PKHD1L1: variants seen among roughly 807,000 people sequenced by gnomAD.
PKHD1L1 encodes the protein fibrocystin-L.
Under a neutral mutation model 462.9 loss-of-function variants are expected in PKHD1L1, and 434 were observed. The observed-to-expected ratio is 0.94, with a 90% CI of 0.87 to 1.02. The LOEUF (loss-of-function observed/expected upper bound fraction) is 1.02, where lower values mean the gene tolerates loss of function less well. Ranked by LOEUF, PKHD1L1 falls within the 50% of genes least tolerant of loss-of-function variation. The pLI, the probability that PKHD1L1 is intolerant of heterozygous loss-of-function variation, is 0.00. For missense variants in PKHD1L1, 5,202 were observed against 5,096.1 expected (o/e 1.02, Z -0.63); for synonymous variants, 1,781 against 1,750.0 (o/e 1.02, Z -0.44).
intron 23 of PKHD1L1, among the ~76,000 whole-genome samples, chr8:109,423,200 G>C (rs1586478771): frequency 6.6e-6 from 1 of 151,566 alleles, no homozygotes; most frequent in East Asian, 1.9e-4. Flanking sequence ...TTGGTTTCAA[G>C]TCTAAGAACT....
At chr8:109,450,707 C>G (rs899806898) in intron 40 of PKHD1L1, among the ~76,000 whole-genome samples, 1 of 152,152 alleles carries the variant, frequency 6.6e-6, no homozygotes, top group Non-Finnish European at 1.5e-5. Context: ...AATTGGAAAA[C>G]TAAGCAGGCA....
chr8:109,417,796 C>G (rs1293723582), intron 21 of PKHD1L1, among the ~76,000 whole-genome samples: 1 of 152,168 alleles, frequency 6.6e-6, no homozygotes, highest in Non-Finnish European at 1.5e-5. Context: ...GTGATCCACC[C>G]ACTTCGGCCT....
In PKHD1L1 at chr8:109,530,069, C is replaced by T. The variant is rs1617259; in HGVS notation, c.12722-11C>T. On this transcript the variant is annotated splice_polypyrimidine_tract_variant and intron_variant, in intron 77 of 77. Coordinates refer to ENST00000378402, the MANE Select transcript of PKHD1L1 (RefSeq NM_177531.6). ...ACTTAAAAATTGTTTTGTATTGTTT[C>T]CATTTTTCAGGAAGCTACTAAAGTG... 168,275 of 1,268,476 alleles carry T rather than the reference C, an allele frequency of 0.13. 16,295 individuals carry two copies. The highest frequency in any genetic ancestry group is 0.31 in the African/African-American group (19,626 of 62,682). 78.6% of individuals were successfully genotyped at this position (1,268,476 alleles called of 1,614,324 possible). A position where few individuals can be genotyped will look rare whatever the true frequency, so the allele number is the denominator to read the frequency against.
Position 109,436,514 on chromosome 8 carries a change from T to G in PKHD1L1, c.3627+55T>G, listed in dbSNP as rs113863282. 1.7e-5 allele frequency: 27 copies of G among 1,594,122 alleles called. No homozygotes were observed. In the African/African-American group the frequency reaches 2.2e-4, roughly 13 times the overall value. On this transcript the variant is annotated intron_variant, in intron 30 of 77. Coordinates refer to ENST00000378402, the MANE Select transcript of PKHD1L1 (RefSeq NM_177531.6). Reference sequence around the variant, plus strand: ...CTCCTAAGTCTGAAATCTTATAAATTAGGAAACATCTCAGTGGGGCGGGGG... The same window carrying G: ...CTCCTAAGTCTGAAATCTTATAAATGAGGAAACATCTCAGTGGGGCGGGGG...
chr8:109,456,507 A>T, intron 46 of PKHD1L1, 116 bp downstream of exon 46: 1 of 1,051,192 alleles, frequency 9.5e-7, no homozygotes, highest in Non-Finnish European at 1.3e-6. Context: ...AATCTCTAAT[A>T]AAGAAATATG....
In PKHD1L1 at chr8:109,441,255, G is replaced by T. The variant is rs769871660; in HGVS notation, c.4100-20G>T. The T allele has an allele frequency of 5.6e-6, 8 of 1,428,762 alleles. No individual in the cohort carries two copies. The South Asian group carries it at 9.5e-5, about 17-fold the overall frequency. 88.5% of individuals were successfully genotyped at this position (1,428,762 alleles called of 1,614,324 possible). A position where few individuals can be genotyped will look rare whatever the true frequency, so the allele number is the denominator to read the frequency against. ...CAAAATGTTTGCTTTTTAAAAATAT[G>T]CAGTATTTATTCTTTCTAGGGTCCA... On this transcript the variant is annotated intron_variant, in intron 33 of 77. Coordinates refer to ENST00000378402, the MANE Select transcript of PKHD1L1 (RefSeq NM_177531.6).
At chr8:109,423,752 T>C (rs559267668) in intron 23 of PKHD1L1, among the ~76,000 whole-genome samples, 1 of 152,300 alleles carries the variant, frequency 6.6e-6, no homozygotes, top group African/African-American at 2.4e-5. Context: ...TTCCAATCCA[T>C]GAACACAGTA....
In PKHD1L1 at chr8:109,510,812, T is replaced by C. The variant is rs775924048; in HGVS notation, c.11431T>C (p.Cys3811Arg). Residue 3811 changes from cysteine to arginine, a missense_variant, in exon 71 of 78, where the codon TGC becomes CGC. This residue lies in a region of PKHD1L1 where 698 missense variants were observed against 736.3 expected (regional missense o/e 0.95). Coordinates refer to ENST00000378402, the MANE Select transcript of PKHD1L1 (RefSeq NM_177531.6). ...TCATGGCTGGTGTGCTGGATATACA[T>C]GCCAGAGAAGGCTGTCCCTGTTTCA... ...QDHGWCAGYT[C>R]QRRLSLFHSI... is the part of the protein sequence containing the mutation. The C allele has an allele frequency of 1.2e-6, 2 of 1,613,292 alleles. No homozygotes were observed. The highest frequency in any genetic ancestry group is 1.7e-6 in the Non-Finnish European group (2 of 1,179,438).
intron 77 of PKHD1L1, among the ~76,000 whole-genome samples, chr8:109,528,454 A>G (rs1820924493): frequency 6.6e-6 from 1 of 152,220 alleles, no homozygotes; most frequent in African/African-American, 2.4e-5. Context: ...AAGATCTTGA[A>G]AACAGATTTG....
Position 109,433,192 on chromosome 8 carries a change from G to T in PKHD1L1, c.3316G>T (p.Gly1106Cys), listed in dbSNP as rs1243228650. 11 of 1,612,882 alleles carry T rather than the reference G, an allele frequency of 6.8e-6. No individual in the cohort carries two copies. The highest frequency in any genetic ancestry group is 9.3e-6 in the Non-Finnish European group (11 of 1,179,144). The change falls in exon 28 of 78, where the codon GGT becomes TGT. Residue 1106 changes from glycine to cysteine, a missense_variant. Transcript: ENST00000378402. The stretch of plus-strand genomic sequence containing the variant: ...TGTAACAGTCTCAGTTGGACCAGTA[G>T]GTTGTTCTCTTCTTTCTGTGGATGG... ...SAVTVSVGPV[G>C]CSLLSVDEKE...
chr8:109,402,274 A>G (rs549212114), intron 14 of PKHD1L1, among the ~76,000 whole-genome samples: 2 of 152,324 alleles, frequency 1.3e-5, no homozygotes, highest in South Asian at 2.1e-4. Context: ...TTTACTATAT[A>G]ACAAAGCACC....
At chr8:109,501,311 C>G (rs1819400867) in intron 67 of PKHD1L1, among the ~76,000 whole-genome samples, 1 of 152,126 alleles carries the variant, frequency 6.6e-6, no homozygotes, top group Non-Finnish European at 1.5e-5. Context: ...CTTATGCTCA[C>G]CCCTGTACCT....
chr8:109,485,269 A>T, intron 58 of PKHD1L1, 96 bp downstream of exon 58: 1 of 1,160,974 alleles, frequency 8.6e-7, no homozygotes, highest in Non-Finnish European at 1.2e-6. Context: ...CATGTCACAA[A>T]TATGTTAAAG....
intron 48 of PKHD1L1, among the ~76,000 whole-genome samples, chr8:109,462,408 A>G (rs1817188128): frequency 6.6e-6 from 1 of 152,128 alleles, no homozygotes; most frequent in Non-Finnish European, 1.5e-5. Flanking sequence ...ATGTGATCTG[A>G]CCCAGAGATA....
intron 70 of PKHD1L1, among the ~76,000 whole-genome samples, 182 bp downstream of exon 70, chr8:109,508,446 G>A (rs1383545145): frequency 1.3e-5 from 2 of 151,978 alleles, no homozygotes; most frequent in Admixed American, 1.3e-4. Context: ...CCTCATCCAG[G>A]GAAGCAAGGA....
chr8:109,439,308 C>T (rs1815636385), intron 32 of PKHD1L1, among the ~76,000 whole-genome samples: 1 of 152,148 alleles, frequency 6.6e-6, no homozygotes. Context: ...GTAAAATTCT[C>T]TGTACAACTA....
Position 109,522,736 on chromosome 8 carries a change from A to G in PKHD1L1, c.12184-8A>G, listed in dbSNP as rs750002133. The G allele has an allele frequency of 4.1e-5, 66 of 1,605,334 alleles. No homozygotes were observed. The South Asian group carries it at 7.3e-4, about 18-fold the overall frequency. The stretch of plus-strand genomic sequence containing the variant: ...GAAGAAACCAGTTCATCCCTTGTGC[A>G]TTCACAGGTGACTGCCCAGCCAGTT... On this transcript the variant is annotated splice_region_variant and splice_polypyrimidine_tract_variant and intron_variant, in intron 74 of 77. Transcript: ENST00000378402.
chr8:109,419,182 C>T lies in PKHD1L1; in HGVS notation c.2446C>T (p.His816Tyr). The change falls in exon 22 of 78, where the codon CAT (histidine) becomes TAT (tyrosine). Residue 816 changes from histidine (H) to tyrosine (Y), a missense_variant. His to Tyr is a moderately conservative substitution (Grantham distance 83). Transcript: ENST00000378402. Reference sequence around the variant, plus strand: ...TGTTTCTCTTCAGAGGATTAGCTTACATAAAGCATCAGAATCACAGTCCTT... The same window carrying T: ...TGTTTCTCTTCAGAGGATTAGCTTATATAAAGCATCAGAATCACAGTCCTT... ...TNVSLQRISL[H>Y]KASESQSFYV... The T allele has an allele frequency of 2.5e-6, 4 of 1,613,432 alleles. No individual in the cohort carries two copies. Among genetic ancestry groups the T allele is most frequent in the Non-Finnish European group, 3.4e-6 (4 of 1,179,486 alleles).
In PKHD1L1 at chr8:109,536,803, A is replaced by G. The variant is rs967740669; in HGVS notation, c.*6713A>G. On this transcript the variant is annotated 3_prime_UTR_variant, in exon 78 of 78. Coordinates refer to ENST00000378402, the MANE Select transcript of PKHD1L1 (RefSeq NM_177531.6). ...GCAATAAAAGTTACTGCTAATTGTA[A>G]TAACAATTATGAGGAAAAATTTATT... Among the ~76,000 whole-genome samples, 24 of 152,320 alleles carry G rather than the reference A, an allele frequency of 1.6e-4. No individual in the cohort carries two copies. The highest frequency in any genetic ancestry group is 8.3e-4 in the South Asian group (4 of 4,834).
Sources: allele counts gnomAD v4.1 joint callset (sites outside exome capture counted in the v4.1 genomes callset), GRCh38; gene constraint gnomAD v4.1.1; regional missense constraint gnomAD v4.1.1; transcripts MANE v1.5; gene names NCBI Gene and HGNC (gene_info 2026-07-23, HGNC 2026-07-21).